The following DCTD variants were observed in gnomAD, a reference collection of about 807,000 sequenced individuals.
DCTD encodes deoxycytidylate deaminase.
DCTD carries 23 observed loss-of-function variants against 21.0 expected under a neutral mutation model. The observed-to-expected ratio is 1.09, with a 90% CI of 0.79 to 1.55. The LOEUF (loss-of-function observed/expected upper bound fraction) is 1.55, where lower values mean the gene tolerates loss of function less well. Among genes scored for constraint, DCTD ranks in the 40% most tolerant of loss-of-function variants. The probability of loss-of-function intolerance (pLI) is 0.00; values close to 1 mark genes in which losing one functional copy is unlikely to be tolerated. For missense variants in DCTD, 224 were observed against 230.0 expected (o/e 0.97, Z 0.17); for synonymous variants, 71 against 81.1 (o/e 0.88, Z 0.67).
At chr4:182,891,586 C>A in intron 5 of DCTD, 109 bp from the exon 6 acceptor site, 1 of 748,948 alleles carries the variant, frequency 1.3e-6, no homozygotes, top group East Asian at 2.6e-5. Flanking sequence ...TCCTGGGATT[C>A]ACTTGCTATT....
Position 182,915,493 on chromosome 4 carries a change from A to AT in DCTD, c.75dup (p.Ser26IlefsTer37), listed in dbSNP as rs756725018. On this transcript the variant is annotated frameshift_variant, in exon 2 of 6. Coordinates refer to ENST00000438320, the MANE Select transcript of DCTD (RefSeq NM_001921.3). LOFTEE classifies it high-confidence loss of function. Reference sequence around the variant, plus strand: ...TTTGGATCTTTGCTTCTCTGTGCTGATAAGAAGGCCACAGCCATAAAATAC... The same window carrying AT: ...TTTGGATCTTTGCTTCTCTGTGCTGATTAAGAAGGCCACAGCCATAAAATAC... 6.2e-7 allele frequency: 1 copy of AT among 1,613,338 alleles called. No homozygotes were observed. The highest frequency in any genetic ancestry group is 1.3e-5 in the African/African-American group (1 of 75,040).
chr4:182,916,511 G>C, intron 1 of DCTD: 1 of 985,664 alleles, frequency 1.0e-6, no homozygotes, highest in African/African-American at 1.7e-5. Flanking sequence ...CTTTATTTAG[G>C]CATCTGCTAC....
intron 3 of DCTD, among the ~76,000 whole-genome samples, chr4:182,906,790 A>G (rs1736796598): frequency 1.3e-5 from 2 of 152,234 alleles, no homozygotes; most frequent in Non-Finnish European, 2.9e-5. Flanking sequence ...TATCATATTC[A>G]ATATTTTAAA....
At chr4:182,894,374 A>G (rs2152854837) in intron 4 of DCTD, 115 bp downstream of exon 4, 2 of 649,030 alleles carry the variant, frequency 3.1e-6, no homozygotes, top group East Asian at 2.7e-5. Context: ...CAAAGCTGAT[A>G]GTGCAATTAA....
intron 3 of DCTD, among the ~76,000 whole-genome samples, chr4:182,909,437 G>A (rs926742275): frequency 6.8e-4 from 104 of 152,290 alleles, no homozygotes; most frequent in Middle Eastern, 3.4e-3. Flanking sequence ...GATTATAACA[G>A]TAGTTTTGTA....
At chr4:182,899,466 C>T (rs764487121) in intron 3 of DCTD, among the ~76,000 whole-genome samples, 6 of 149,312 alleles carry the variant, frequency 4.0e-5, no homozygotes, top group African/African-American at 9.9e-5. Context: ...GACGTGATCT[C>T]GGCTCACTGC....
chr4:182,915,899 G>T (rs992402431), intron 1 of DCTD: 1 of 1,105,796 alleles, frequency 9.0e-7, no homozygotes, highest in East Asian at 6.4e-5. Flanking sequence ...CTTACAAAGC[G>T]GAGTCAGCAC....
intron 3 of DCTD, among the ~76,000 whole-genome samples, chr4:182,897,433 G>C (rs978491268): frequency 2.0e-5 from 3 of 150,468 alleles, no homozygotes; most frequent in South Asian, 2.1e-4. Context: ...AGGACTTTCA[G>C]TACTTCCCAA....
chr4:182,893,942 T>C (rs1405315527), intron 4 of DCTD, among the ~76,000 whole-genome samples: 1 of 152,230 alleles, frequency 6.6e-6, no homozygotes, highest in Non-Finnish European at 1.5e-5. Context: ...TAGCTGAATC[T>C]TAGATGTGAC....
chr4:182,907,005 A>C (rs1736838053), intron 3 of DCTD, among the ~76,000 whole-genome samples: 1 of 152,202 alleles, frequency 6.6e-6, no homozygotes, highest in Non-Finnish European at 1.5e-5. Flanking sequence ...AAATATTGTC[A>C]TGCTGACTTG....
At chr4:182,913,721 G>A (rs773599901) in intron 3 of DCTD, among the ~76,000 whole-genome samples, 3 of 152,230 alleles carry the variant, frequency 2.0e-5, no homozygotes, top group South Asian at 2.1e-4. Flanking sequence ...AAAATACAGG[G>A]CCTAACCTTA....
At chr4:182,916,360 T>G in intron 1 of DCTD, 1 of 985,134 alleles carries the variant, frequency 1.0e-6, no homozygotes, top group Non-Finnish European at 1.2e-6. Context: ...GAGTGGTCGC[T>G]TTCAAAAGGA....
rs534545904 is a variant in DCTD, at chr4:182,895,716, T to C, written c.245-1111A>G. On this transcript the variant is annotated intron_variant, in intron 3 of 5. Transcript: ENST00000438320. ...TCGTTACTGAATTTTCCTGGGTGTG[T>C]TATCTAAAACTCTATTATAAATCCT... 3.3e-5 allele frequency among the ~76,000 whole-genome samples: 5 copies of C among 152,318 alleles called. No homozygotes were observed. In the South Asian group the frequency reaches 8.3e-4, roughly 25 times the overall value.
intron 4 of DCTD, among the ~76,000 whole-genome samples, 192 bp from the exon 5 acceptor site, chr4:182,893,319 C>T (rs572127861): frequency 1.3e-5 from 2 of 152,332 alleles, no homozygotes; most frequent in South Asian, 2.1e-4. Flanking sequence ...TCTATCTAAT[C>T]TTCCCTCCAG....
chr4:182,912,244 GA>G (rs1236725259), intron 3 of DCTD, among the ~76,000 whole-genome samples: 3 of 151,802 alleles, frequency 2.0e-5, no homozygotes, highest in Non-Finnish European at 4.4e-5. Flanking sequence ...TCTGTGGCCT[GA>G]AAAACCTTGA....
intron 3 of DCTD, among the ~76,000 whole-genome samples, chr4:182,896,132 C>G (rs966198527): frequency 6.6e-6 from 1 of 152,210 alleles, no homozygotes; most frequent in Non-Finnish European, 1.5e-5. Flanking sequence ...CTTAAATGAG[C>G]AGTGGCCTAA....
intron 5 of DCTD, among the ~76,000 whole-genome samples, chr4:182,892,330 G>T (rs986698822): frequency 6.6e-6 from 1 of 152,168 alleles, no homozygotes; most frequent in African/African-American, 2.4e-5. Context: ...TCTTAGCAAA[G>T]ATAATCATAA....
At chr4:182,897,876 T>C (rs1244288341) in intron 3 of DCTD, among the ~76,000 whole-genome samples, 1 of 152,154 alleles carries the variant, frequency 6.6e-6, no homozygotes, top group Non-Finnish European at 1.5e-5. Context: ...GAAATCCAGC[T>C]TCACCTTTGT....
chr4:182,893,189 C>T (rs914850109), intron 4 of DCTD, 62 bp from the exon 5 acceptor site: 51 of 984,562 alleles, frequency 5.2e-5, no homozygotes, highest in African/African-American at 1.6e-4. Context: ...AAAAGACAGG[C>T]GGAAGCAGCT....
Sources: gnomAD v4.1 joint callset for allele counts (sites outside exome capture counted in the v4.1 genomes callset) on GRCh38, gnomAD v4.1.1 for gene constraint, MANE v1.5 for transcripts, NCBI Gene and HGNC (gene_info 2026-07-23, HGNC 2026-07-21) for gene names.